Variants in SPECC1L observed in about 807,000 individuals in gnomAD.
SPECC1L encodes cytospin-A.
Under a neutral mutation model 116.8 loss-of-function variants are expected in SPECC1L, and 40 were observed. The ratio of observed to expected loss-of-function variants is 0.34; its 90% confidence interval spans 0.27 to 0.45. SPECC1L has a LOEUF of 0.45. Ranked by LOEUF, SPECC1L falls within the 20% of genes least tolerant of loss-of-function variation. The pLI is 1.00. For synonymous variants in SPECC1L, 504 were observed against 500.6 expected (o/e 1.01, Z -0.09); for missense variants, 1,110 against 1,373.6 (o/e 0.81, Z 3.03).
chr22:24,313,433 A>T lies in SPECC1L; in HGVS notation c.274A>T (p.Thr92Ser), dbSNP rs200647994. Reference sequence around the variant, plus strand: ...ACCTTCAGCATCTGCCCCTGCCATGACCACCGTGGAGAACAAATCCAAGAT... The same window carrying T: ...ACCTTCAGCATCTGCCCCTGCCATGTCCACCGTGGAGAACAAATCCAAGAT... ...AAPSASAPAM[T>S]TVENKSKIST... is the part of the protein sequence containing the mutation. Residue 92 changes from threonine to serine, a missense_variant, in exon 4 of 17, where the codon ACC (threonine) becomes TCC (serine). Physicochemically the swap from Thr to Ser is moderately conservative, Grantham distance 58. Around this residue, in one of 4 missense-constraint regions of SPECC1L, gnomAD observed 437 missense variants for 482.6 expected, o/e 0.91. Coordinates refer to ENST00000314328, the MANE Select transcript of SPECC1L (RefSeq NM_015330.6). 31 of 1,614,032 alleles carry T rather than the reference A, an allele frequency of 1.9e-5. No homozygotes were observed. Among genetic ancestry groups the T allele is most frequent in the Non-Finnish European group, 2.6e-5 (31 of 1,180,042 alleles).
chr22:24,375,505 T>C (rs986884900), intron 14 of SPECC1L, among the ~76,000 whole-genome samples: 6 of 152,210 alleles, frequency 3.9e-5, no homozygotes, highest in African/African-American at 7.2e-5. Context: ...AATGAATTAA[T>C]ACTGTAATAC....
chr22:24,366,350 C>G (rs1398942590), intron 13 of SPECC1L, among the ~76,000 whole-genome samples: 1 of 152,050 alleles, frequency 6.6e-6, no homozygotes, highest in Admixed American at 6.6e-5. Context: ...CCTGCCACCT[C>G]GCCCGGCTAA....
chr22:24,316,994 C>T (rs1318436893), intron 4 of SPECC1L, among the ~76,000 whole-genome samples: 3 of 118,224 alleles, frequency 2.5e-5, no homozygotes, highest in Non-Finnish European at 5.6e-5. Flanking sequence ...CGGGCAGAGG[C>T]GCCCCTCACC....
chr22:24,295,064 TG>T (rs2146380069), intron 2 of SPECC1L, among the ~76,000 whole-genome samples: 1 of 151,816 alleles, frequency 6.6e-6, no homozygotes, highest in East Asian at 1.9e-4. Flanking sequence ...AAGGAAACTC[TG>T]GAGCTTCCTG....
intron 10 of SPECC1L, among the ~76,000 whole-genome samples, chr22:24,339,368 A>G (rs940033809): frequency 6.6e-6 from 1 of 152,224 alleles, no homozygotes; most frequent in Non-Finnish European, 1.5e-5. Context: ...TCAGAGAAGC[A>G]TGATTCATGA....
chr22:24,295,570 A>G (rs1443577580), intron 2 of SPECC1L, among the ~76,000 whole-genome samples: 2 of 152,128 alleles, frequency 1.3e-5, no homozygotes, highest in African/African-American at 2.4e-5. Context: ...ATTGATCTAG[A>G]CCTGGCAATA....
chr22:24,409,100 G>A (rs973629354), intron 14 of SPECC1L, among the ~76,000 whole-genome samples: 44 of 152,200 alleles, frequency 2.9e-4, no homozygotes, highest in African/African-American at 8.9e-4. Flanking sequence ...GTCAGGATTC[G>A]TAAAGTGCTT....
At chr22:24,324,100 T>C in intron 5 of SPECC1L, 120 bp from the exon 6 acceptor site, 1 of 798,032 alleles carries the variant, frequency 1.3e-6, no homozygotes, top group East Asian at 2.4e-5. Context: ...ACAGGTTGTT[T>C]TAGTTTATCC....
chr22:24,399,765 A>G (rs1251523759), intron 14 of SPECC1L, among the ~76,000 whole-genome samples: 1 of 152,316 alleles, frequency 6.6e-6, no homozygotes, highest in South Asian at 2.1e-4. Context: ...TTTCTTGGGA[A>G]TAGCCATTTA....
intron 11 of SPECC1L, among the ~76,000 whole-genome samples, chr22:24,361,390 G>GAAAT (rs748913973): frequency 1.1e-4 from 16 of 151,516 alleles, no homozygotes; most frequent in Admixed American, 1.3e-4. Flanking sequence ...TCCTGTCTTA[G>GAAAT]AAATAAATAA....
At position 24,414,671 on chromosome 22, in the gene SPECC1L, G is replaced by C. The variant is rs201856098; in HGVS notation, c.*48G>C. 10 of 1,541,318 alleles carry C rather than the reference G, an allele frequency of 6.5e-6. No homozygotes were observed. The African/African-American group carries it at 1.1e-4, about 17-fold the overall frequency. On this transcript the variant is annotated 3_prime_UTR_variant, in exon 17 of 17. Transcript: ENST00000314328. ...AATAGCGGGGGTACCCCTCCACAGC[G>C]ACCGAGCGACACCGACGCCATTAGC...
intron 13 of SPECC1L, among the ~76,000 whole-genome samples, chr22:24,367,151 C>T (rs946106105): frequency 5.9e-5 from 9 of 152,180 alleles, no homozygotes; most frequent in African/African-American, 1.9e-4. Context: ...CGAGATCGTG[C>T]GACTGCACTC....
At position 24,324,371 on chromosome 22, in the gene SPECC1L, T is replaced by C. The variant is rs1223207873; in HGVS notation, c.2090T>C (p.Val697Ala). 6.2e-7 allele frequency: 1 copy of C among 1,614,168 alleles called. No homozygotes were observed. The highest frequency in any genetic ancestry group is 8.5e-7 in the Non-Finnish European group (1 of 1,180,002). Residue 697 changes from valine to alanine, a missense_variant, in exon 6 of 17, where the codon GTA becomes GCA. Around this residue, in one of 4 missense-constraint regions of SPECC1L, gnomAD observed 575 missense variants for 682.4 expected, o/e 0.84. Transcript: ENST00000314328. ...KETIFELEDE[V>A]EQHRAVKLHD... The stretch of plus-strand genomic sequence containing the variant: ...ACCATCTTTGAACTTGAAGATGAAG[T>C]AGAACAACATCGTGCTGTGAAACTT...
chr22:24,278,738 C>T (rs2048885053), intron 2 of SPECC1L, among the ~76,000 whole-genome samples: 1 of 152,158 alleles, frequency 6.6e-6, no homozygotes, highest in African/African-American at 2.4e-5. Flanking sequence ...AGTATAAATA[C>T]AGTACTAAAG....
chr22:24,299,412 G>C (rs1243878634), intron 2 of SPECC1L, among the ~76,000 whole-genome samples: 1 of 152,082 alleles, frequency 6.6e-6, no homozygotes, highest in Non-Finnish European at 1.5e-5. Flanking sequence ...ACTCCAGCAT[G>C]GGTGACAGAG....
chr22:24,316,255 A>G (rs2040560919), intron 4 of SPECC1L, among the ~76,000 whole-genome samples: 1 of 151,172 alleles, frequency 6.6e-6, no homozygotes, highest in Non-Finnish European at 1.5e-5. Flanking sequence ...TTTATCTTTC[A>G]AACATGAACA....
At chr22:24,364,340 T>A (rs1341316049) in intron 12 of SPECC1L, among the ~76,000 whole-genome samples, 2 of 152,122 alleles carry the variant, frequency 1.3e-5, no homozygotes, top group Non-Finnish European at 2.9e-5. Context: ...TACGTTTTGG[T>A]TTTCTGTCTT....
chr22:24,392,735 T>G (rs1384043995), intron 14 of SPECC1L, among the ~76,000 whole-genome samples: 1 of 152,192 alleles, frequency 6.6e-6, no homozygotes, highest in Admixed American at 6.5e-5. Flanking sequence ...ACTTAATGGC[T>G]TAACATAATG....
At chr22:24,408,218 A>T (rs994018583) in intron 14 of SPECC1L, among the ~76,000 whole-genome samples, 2 of 152,182 alleles carry the variant, frequency 1.3e-5, no homozygotes, top group African/African-American at 2.4e-5. Flanking sequence ...GATCAAAGAG[A>T]TGAGATTGCA....
Sources: allele counts gnomAD v4.1 joint callset (sites outside exome capture counted in the v4.1 genomes callset), GRCh38; gene constraint gnomAD v4.1.1; regional missense constraint gnomAD v4.1.1; transcripts MANE v1.5; gene names NCBI Gene and HGNC (gene_info 2026-07-23, HGNC 2026-07-21).